The following MEGF6 variants were observed in gnomAD, a reference collection of about 807,000 sequenced individuals.
MEGF6 encodes multiple epidermal growth factor-like domains protein 6.
MEGF6 carries 184 observed loss-of-function variants against 207.1 expected under a neutral mutation model. The observed-to-expected ratio is 0.89, with a 90% CI of 0.79 to 1.00. The LOEUF (loss-of-function observed/expected upper bound fraction) is 1.00, where lower values mean the gene tolerates loss of function less well. Ranked by LOEUF, MEGF6 falls within the 50% of genes least tolerant of loss-of-function variation. MEGF6 has a pLI of 0.00. For missense variants in MEGF6, 2,282 were observed against 2,202.9 expected (o/e 1.04, Z -0.72); for synonymous variants, 1,038 against 910.0 (o/e 1.14, Z -2.53).
chr1:3,518,077 A>C (rs1641612145), intron 5 of MEGF6, among the ~76,000 whole-genome samples: 1 of 151,976 alleles, frequency 6.6e-6, no homozygotes, highest in Non-Finnish European at 1.5e-5. Flanking sequence ...GATGCAACTG[A>C]CTGTTGTTGG....
At chr1:3,497,159 G>A (rs537474633) in intron 27 of MEGF6, 40 bp from the exon 28 acceptor site, 30 of 1,545,230 alleles carry the variant, frequency 1.9e-5, no homozygotes, top group Admixed American at 7.6e-5. Flanking sequence ...GCCCAGCCCC[G>A]CCAAGGAACA....
At chr1:3,614,626 G>A (rs1644363345), upstream of MEGF6, among the ~76,000 whole-genome samples, 1 of 152,210 alleles carries the variant, frequency 6.6e-6, no homozygotes, top group African/African-American at 2.4e-5. Flanking sequence ...TATAAGCTTT[G>A]AATTTCATGT....
chr1:3,540,740 C>T (rs1327765409), intron 4 of MEGF6, among the ~76,000 whole-genome samples: 3 of 152,344 alleles, frequency 2.0e-5, no homozygotes, highest in Non-Finnish European at 4.4e-5. Flanking sequence ...AAGGGAACCA[C>T]TCCCTCCGAT....
intron 2 of MEGF6, among the ~76,000 whole-genome samples, chr1:3,599,597 C>T (rs1409371929): frequency 6.6e-6 from 1 of 152,252 alleles, no homozygotes; most frequent in Non-Finnish European, 1.5e-5. Context: ...GGCAGGGTGC[C>T]TGCCGCCAAG....
intron 4 of MEGF6, among the ~76,000 whole-genome samples, chr1:3,541,325 G>A (rs537824135): frequency 6.6e-6 from 1 of 152,230 alleles, no homozygotes; most frequent in Non-Finnish European, 1.5e-5. Flanking sequence ...GGTTCAGCAA[G>A]AGCACATCGT....
intron 4 of MEGF6, chr1:3,531,376 G>A (rs986249065): frequency 1.1e-5 from 13 of 1,175,814 alleles, no homozygotes; most frequent in Admixed American, 4.6e-5. Context: ...CCAGCCCCGG[G>A]ATCCGCTCCG....
chr1:3,567,378 G>T (rs773169660), intron 4 of MEGF6, among the ~76,000 whole-genome samples: 14 of 152,198 alleles, frequency 9.2e-5, no homozygotes, highest in Non-Finnish European at 1.8e-4. Flanking sequence ...CCCTACAAAG[G>T]CCCCAGTCTT....
At chr1:3,531,106 G>C (rs1365269435) in intron 4 of MEGF6, 2 of 1,528,430 alleles carry the variant, frequency 1.3e-6, no homozygotes, top group Middle Eastern at 2.1e-4. Flanking sequence ...GGCGCTCACG[G>C]GGTAGCCGGC....
intron 29 of MEGF6, 71 bp from the exon 30 acceptor site, chr1:3,496,089 A>C: frequency 1.4e-6 from 2 of 1,443,246 alleles, no homozygotes. Flanking sequence ...CGGAGTGGGG[A>C]TAGGACAGGA....
At chr1:3,621,605 G>A in the MEGF6 span, among the ~76,000 whole-genome samples, 6 of 152,042 alleles carry the variant, frequency 3.9e-5, no homozygotes, top group Admixed American at 2.0e-4. Flanking sequence ...TCGTGCCCTC[G>A]GTCTCTTGCC....
At chr1:3,531,053 C>T (rs930699999) in intron 4 of MEGF6, 1 of 1,488,506 alleles carries the variant, frequency 6.7e-7, no homozygotes, top group Non-Finnish European at 8.9e-7. Flanking sequence ...GCCCCGCCCG[C>T]CCTGCCCAGG....
At chr1:3,554,625 C>A (rs1483819743) in intron 4 of MEGF6, among the ~76,000 whole-genome samples, 1 of 152,188 alleles carries the variant, frequency 6.6e-6, no homozygotes. Context: ...GACTGGGCCC[C>A]CCAGGCAGGT....
chr1:3,562,455 G>A (rs1215701404), intron 4 of MEGF6, among the ~76,000 whole-genome samples: 2 of 152,010 alleles, frequency 1.3e-5, no homozygotes, highest in Admixed American at 6.5e-5. Flanking sequence ...CCAAACCCTC[G>A]CATAGTCAAT....
Position 3,501,101 on chromosome 1 carries a change from G to A in MEGF6, c.2447-7C>T. On this transcript the variant is annotated splice_polypyrimidine_tract_variant and splice_region_variant and intron_variant, in intron 19 of 36. Transcript: ENST00000356575. Reference sequence around the variant, plus strand: ...TACCAGCCTGCTGGGCACACTACAGGCAGGCGAGAGAGGGTGAGTGGGGCC... The same window carrying A: ...TACCAGCCTGCTGGGCACACTACAGACAGGCGAGAGAGGGTGAGTGGGGCC... The A allele has an allele frequency of 6.2e-7, 1 of 1,612,688 alleles. No individual in the cohort carries two copies. The highest frequency in any genetic ancestry group is 1.1e-5 in the South Asian group (1 of 91,074).
intron 17 of MEGF6, among the ~76,000 whole-genome samples, chr1:3,502,445 C>T (rs1640943811): frequency 6.6e-6 from 1 of 152,172 alleles, no homozygotes; most frequent in Non-Finnish European, 1.5e-5. Flanking sequence ...CAGCTGGGAG[C>T]CCCTCCAGGG....
At chr1:3,495,175 TGCCTGATGACCG>T (rs1484722533) in intron 30 of MEGF6, among the ~76,000 whole-genome samples, 7 of 152,186 alleles carry the variant, frequency 4.6e-5, no homozygotes, top group Non-Finnish European at 8.8e-5. Flanking sequence ...TACAGCCGGA[TGCCTGATGACCG>T]GCCTGATGGC....
At position 3,492,099 on chromosome 1, in the gene MEGF6, T is replaced by C. The variant is rs1194095485; in HGVS notation, c.4516+540A>G. Among the ~76,000 whole-genome samples, 4 of 151,794 alleles carry C rather than the reference T, an allele frequency of 2.6e-5. No homozygotes were observed. The East Asian group carries it at 7.8e-4, about 30-fold the overall frequency. On this transcript the variant is annotated intron_variant, in intron 35 of 36. Coordinates refer to ENST00000356575, the MANE Select transcript of MEGF6 (RefSeq NM_001409.4). ...GCGTGCGTGGACTGGCACGCACAGG[T>C]GCCTGCTGCCCGTGCAGGACTGCGT...
At position 3,565,077 on chromosome 1, in the gene MEGF6, G is replaced by A. The variant is rs1247841868; in HGVS notation, c.481+14748C>T. Among the ~76,000 whole-genome samples the A allele has an allele frequency of 6.6e-6, 1 of 152,108 alleles. No individual in the cohort carries two copies. The highest frequency in any genetic ancestry group is 2.4e-5 in the African/African-American group (1 of 41,426). On this transcript the variant is annotated intron_variant, in intron 4 of 36. Coordinates refer to ENST00000356575, the MANE Select transcript of MEGF6 (RefSeq NM_001409.4). The surrounding 1 kb of genome is among the most constrained non-coding windows in gnomAD (Gnocchi z 4.8). ...GGGCAGGGGTTTTGCTGGACTGGCT[G>A]GTGGGTTCCAAGCACAGGGCCTGGC...
intron 4 of MEGF6, among the ~76,000 whole-genome samples, chr1:3,533,620 G>C (rs951155072): frequency 1.3e-4 from 20 of 152,218 alleles, no homozygotes; most frequent in African/African-American, 4.8e-4. Flanking sequence ...AGGCCTGCAA[G>C]GGCACGGGCT....
Sources: allele counts gnomAD v4.1 joint callset (sites outside exome capture counted in the v4.1 genomes callset), GRCh38; gene constraint gnomAD v4.1.1; non-coding constraint Gnocchi (gnomAD v3.1); transcripts MANE v1.5; gene names NCBI Gene and HGNC (gene_info 2026-07-23, HGNC 2026-07-21).